SRPK2: variants seen among roughly 807,000 people sequenced by gnomAD.
The protein encoded by SRPK2 is SRSF protein kinase 2, also known as SFRS protein kinase 2.
In SRPK2, 21 loss-of-function variants were observed where a neutral mutation model predicts 90.8. The observed-to-expected ratio is 0.23, with a 90% confidence interval of 0.16 to 0.33. The LOEUF is 0.33. Among genes scored for constraint, SRPK2 ranks in the 10% least tolerant of loss-of-function variants. The pLI, the probability that SRPK2 is intolerant of heterozygous loss-of-function variation, is 1.00. For missense variants in SRPK2, 620 were observed against 869.0 expected, an observed-to-expected ratio of 0.71 and a Z score of 3.60; for synonymous variants, 288 against 311.1, an observed-to-expected ratio of 0.93 and a Z score of 0.78.
At chr7:105,257,499 G>A (rs963416684) in intron 2 of SRPK2, among the ~76,000 whole-genome samples, 2 of 152,234 alleles carry the variant, frequency 1.3e-5, no homozygotes, top group African/African-American at 2.4e-5. Flanking sequence ...CAAATACTGA[G>A]GAAGTTATTC....
intron 15 of SRPK2, among the ~76,000 whole-genome samples, chr7:105,119,682 A>G (rs1293191026): frequency 6.6e-6 from 1 of 152,206 alleles, no homozygotes; most frequent in Non-Finnish European, 1.5e-5. Context: ...TGAAGGAAAC[A>G]CAGTCTCCAT....
upstream of SRPK2, among the ~76,000 whole-genome samples, chr7:105,390,607 G>GTTTTTTTTT (rs869259356): frequency 4.0e-3 from 439 of 108,918 alleles, 12 homozygotes; most frequent in East Asian, 0.029. Context: ...TTTTGTTTTT[G>GTTTTTTTTT]TTTTTTTTTT....
chr7:105,262,833 G>A (rs763329178), intron 2 of SRPK2, among the ~76,000 whole-genome samples: 15 of 152,162 alleles, frequency 9.9e-5, no homozygotes, highest in Non-Finnish European at 2.1e-4. Flanking sequence ...GGGAGAAATG[G>A]AGGGAAAGGT....
intron 11 of SRPK2, among the ~76,000 whole-genome samples, chr7:105,136,187 C>A (rs905442784): frequency 2.0e-5 from 3 of 152,218 alleles, no homozygotes; most frequent in Non-Finnish European, 2.9e-5. Context: ...GCTTCTGATG[C>A]GTTCCAAATG....
chr7:105,333,148 C>T (rs1376395444), intron 2 of SRPK2, among the ~76,000 whole-genome samples: 4 of 152,160 alleles, frequency 2.6e-5, no homozygotes, highest in African/African-American at 7.2e-5. Context: ...GAGCCCAGAT[C>T]GTGCCACTGC....
intron 6 of SRPK2, 143 bp downstream of exon 6, chr7:105,167,234 G>A (rs1165474965): frequency 3.5e-6 from 2 of 566,798 alleles, no homozygotes; most frequent in Non-Finnish European, 5.8e-6. Flanking sequence ...ACTATTCTAG[G>A]TGGACCACTT....
intron 2 of SRPK2, among the ~76,000 whole-genome samples, chr7:105,248,409 A>T (rs1802003465): frequency 6.7e-6 from 1 of 148,830 alleles, no homozygotes; most frequent in Non-Finnish European, 1.5e-5. Context: ...TGAGCAACAC[A>T]GCGAGATGCC....
At chr7:105,162,270 A>C (rs755991610) in intron 6 of SRPK2, among the ~76,000 whole-genome samples, 2 of 151,980 alleles carry the variant, frequency 1.3e-5, no homozygotes, top group Non-Finnish European at 2.9e-5. Context: ...TCAAACTCCT[A>C]ATCTCAAGTG....
chr7:105,197,639 C>A (rs1473176451), intron 3 of SRPK2, among the ~76,000 whole-genome samples: 1 of 152,122 alleles, frequency 6.6e-6, no homozygotes, highest in Non-Finnish European at 1.5e-5. Context: ...CAAAGGGAAC[C>A]TTTCAGACTA....
chr7:105,150,321 C>A lies in SRPK2; in HGVS notation c.622-3663G>T, dbSNP rs190227595. Among the ~76,000 whole-genome samples the A allele has an allele frequency of 4.0e-3, 602 of 152,266 alleles. 6 individuals are homozygous for A. Among genetic ancestry groups the A allele is most frequent in the African/African-American group, 0.014 (561 of 41,548 alleles). ...ATCACTTGAGGCCAGGAGTGCGAGA[C>A]CAGCCTGGCCAACATGGCGAAACCC... On this transcript the variant is annotated intron_variant, in intron 7 of 15. Coordinates refer to ENST00000393651, the MANE Select transcript of SRPK2 (RefSeq NM_182692.3).
chr7:105,181,464 C>G (rs1221949264), intron 3 of SRPK2, among the ~76,000 whole-genome samples: 2 of 152,106 alleles, frequency 1.3e-5, no homozygotes, highest in African/African-American at 4.8e-5. Context: ...GGCATGGAAG[C>G]AATGCTCATC....
intron 7 of SRPK2, among the ~76,000 whole-genome samples, chr7:105,153,523 A>G (rs1331142704): frequency 6.6e-6 from 1 of 152,180 alleles, no homozygotes; most frequent in Non-Finnish European, 1.5e-5. Flanking sequence ...GGGAACAGTC[A>G]AGCATAATGT....
intron 2 of SRPK2, among the ~76,000 whole-genome samples, chr7:105,235,335 C>A (rs1333647839): frequency 2.0e-5 from 3 of 152,148 alleles, no homozygotes; most frequent in Non-Finnish European, 4.4e-5. Context: ...TGTCACAAAG[C>A]AAGTTTATTT....
chr7:105,352,334 G>A (rs947168750), intron 2 of SRPK2, among the ~76,000 whole-genome samples: 1 of 152,144 alleles, frequency 6.6e-6, no homozygotes, highest in Non-Finnish European at 1.5e-5. Context: ...AAATGTAACC[G>A]CAGCTTCCTC....
chr7:105,240,001 A>G (rs996971706), intron 2 of SRPK2, among the ~76,000 whole-genome samples: 3 of 152,224 alleles, frequency 2.0e-5, no homozygotes, highest in Non-Finnish European at 4.4e-5. Context: ...TCTGGATCAA[A>G]TACACTGGGC....
chr7:105,179,846 A>G (rs994291210), intron 3 of SRPK2, among the ~76,000 whole-genome samples: 5 of 150,858 alleles, frequency 3.3e-5, no homozygotes, highest in African/African-American at 1.2e-4. Flanking sequence ...AAAAAAAAAA[A>G]AAGAATAAAA....
At chr7:105,226,572 G>A (rs1034060178) in intron 2 of SRPK2, among the ~76,000 whole-genome samples, 5 of 152,128 alleles carry the variant, frequency 3.3e-5, no homozygotes, top group African/African-American at 1.2e-4. Flanking sequence ...AAAGGTATGA[G>A]CCACCATGCC....
At chr7:105,366,367 C>CTT (rs34409221) in intron 2 of SRPK2, among the ~76,000 whole-genome samples, 104,639 of 139,064 alleles carry the variant, frequency 0.75, 40,992 homozygotes, top group Non-Finnish European at 0.85. Context: ...ACAGGTATGC[C>CTT]TTTTTTTTTT....
At chr7:105,176,771 G>A (rs958265323) in intron 3 of SRPK2, among the ~76,000 whole-genome samples, 11 of 149,438 alleles carry the variant, frequency 7.4e-5, no homozygotes, top group East Asian at 2.0e-4. Flanking sequence ...GTGTGTGTGT[G>A]TGTATATATA....
Sources: gnomAD v4.1 joint callset for allele counts (sites outside exome capture counted in the v4.1 genomes callset) on GRCh38, gnomAD v4.1.1 for gene constraint, MANE v1.5 for transcripts, NCBI Gene and HGNC (gene_info 2026-07-23, HGNC 2026-07-21) for gene names.